NCOA6: variants seen among roughly 807,000 people sequenced by gnomAD.
NCOA6 encodes nuclear receptor coactivator 6, also known as NRC RAP250.
Under a neutral mutation model 171.4 loss-of-function variants are expected in NCOA6, and 49 were observed. The ratio of observed to expected loss-of-function variants is 0.29; its 90% CI spans 0.23 to 0.36. The LOEUF is 0.36. Ranked by LOEUF, NCOA6 falls within the 10% of genes least tolerant of loss-of-function variation. The pLI, the probability that NCOA6 is intolerant of heterozygous loss-of-function variation, is 1.00. For synonymous variants in NCOA6, 910 were observed against 927.5 expected, an observed-to-expected ratio of 0.98 and a Z score of 0.34; for missense variants, 2,248 against 2,554.5, an observed-to-expected ratio of 0.88 and a Z score of 2.59.
chr20:34,734,899 C>T (rs560272909), intron 12 of NCOA6, among the ~76,000 whole-genome samples: 99 of 152,224 alleles, frequency 6.5e-4, no homozygotes, highest in African/African-American at 2.3e-3. Context: ...CTGACCGCCT[C>T]GGCCTCCCAA....
chr20:34,806,887 C>A (rs2146548268), intron 1 of NCOA6, among the ~76,000 whole-genome samples: 1 of 152,306 alleles, frequency 6.6e-6, no homozygotes, highest in Non-Finnish European at 1.5e-5. Context: ...TACTCAAGGT[C>A]TTTTGTGGTG....
chr20:34,741,845 G>A lies in NCOA6; in HGVS notation c.4411C>T (p.Pro1471Ser). 6.2e-7 allele frequency: 1 copy of A among 1,614,192 alleles called. No individual in the cohort carries two copies. Among genetic ancestry groups the A allele is most frequent in the Non-Finnish European group, 8.5e-7 (1 of 1,180,038 alleles). Reference protein sequence around the residue: ...DGQPSDPNKLPSVEENKNLVS... With the variant: ...DGQPSDPNKLSSVEENKNLVS... The stretch of plus-strand genomic sequence containing the variant: ...AAATTTTTGTTCTCTTCGACACTGG[G>A]AAGTTTGTTAGGATCCGAAGGCTGC... The change falls in exon 11 of 15, where the codon CCC becomes TCC. Residue 1471 changes from proline to serine, a missense_variant. Physicochemically the swap from Pro to Ser is moderately conservative, Grantham distance 74. Coordinates refer to ENST00000359003, the MANE Select transcript of NCOA6 (RefSeq NM_014071.5).
At position 34,740,411 on chromosome 20, in the gene NCOA6, G is replaced by A. The variant is rs1431194283; in HGVS notation, c.5845C>T (p.Leu1949=). 1 of 1,614,138 alleles carries A rather than the reference G, an allele frequency of 6.2e-7. No homozygotes were observed. Among genetic ancestry groups the A allele is most frequent in the Non-Finnish European group, 8.5e-7 (1 of 1,180,022 alleles). Residue 1949 remains leucine, a synonymous_variant, in exon 11 of 15, where the codon CTA becomes TTA. Transcript: ENST00000359003. ...GIASESLAGG[L]VEEKVGSHPE... ...TGGGATCCCACCTTCTCCTCCACTA[G>A]GCCACCCGCAAGTGACTCAGATGCT...
rs143707360 is a variant in NCOA6 at position 34,727,304 on chromosome 20, G to A, written c.6103C>T (p.Arg2035Cys). Residue 2035 changes from arginine (R) to cysteine (C), a missense_variant, in exon 14 of 15, where the codon CGT becomes TGT. Coordinates refer to ENST00000359003, the MANE Select transcript of NCOA6 (RefSeq NM_014071.5). ...VASESVENGH[R>C]KRSSRPASAS... ...GAAGCAGGTCGAGAAGATCGTTTAC[G>A]ATGTCCATTTTCCACACTTTCAGAG... 1.6e-5 allele frequency: 26 copies of A among 1,614,188 alleles called. No individual in the cohort carries two copies. The highest frequency in any genetic ancestry group is 3.3e-4 in the Middle Eastern group (2 of 6,058).
intron 14 of NCOA6, among the ~76,000 whole-genome samples, chr20:34,717,675 GTTCT>G (rs747826125): frequency 9.2e-5 from 14 of 152,064 alleles, no homozygotes; most frequent in African/African-American, 2.4e-4. Context: ...TAATAATGGT[GTTCT>G]TTATTTTAAT....
Position 34,746,930 on chromosome 20 carries a change from TAAAAAAAA to T in NCOA6, c.2793-10_2793-3del. 2.7e-5 allele frequency: 31 copies of T among 1,138,054 alleles called. No homozygotes were observed. Among genetic ancestry groups the T allele is most frequent in the Middle Eastern group, 3.3e-4 (1 of 3,002 alleles). 70.5% of individuals were successfully genotyped at this position (1,138,054 alleles called of 1,614,324 possible). A position where few individuals can be genotyped will look rare whatever the true frequency, so the allele number is the denominator to read the frequency against. On this transcript the variant is annotated splice_polypyrimidine_tract_variant and splice_region_variant and intron_variant, in intron 9 of 14. Coordinates refer to ENST00000359003, the MANE Select transcript of NCOA6 (RefSeq NM_014071.5). ...CCAGCTGGGCGAGTATCTGGGGTGCTAAAAAAAAAAAAAAAAAAAAAAGTGACATATTT... is the reference window on the plus strand; with the variant it reads ...CCAGCTGGGCGAGTATCTGGGGTGCTAAAAAAAAAAAAAAGTGACATATTT...
At chr20:34,796,265 C>T (rs1053679807) in intron 1 of NCOA6, among the ~76,000 whole-genome samples, 2 of 151,852 alleles carry the variant, frequency 1.3e-5, no homozygotes, top group Non-Finnish European at 2.9e-5. Flanking sequence ...CTGCCTCGGC[C>T]TCCCAAAGTG....
chr20:34,769,424 T>TTAAAG (rs1299290433), intron 4 of NCOA6, among the ~76,000 whole-genome samples: 1 of 151,566 alleles, frequency 6.6e-6, no homozygotes, highest in African/African-American at 2.4e-5. Context: ...AGTGCAGTGG[T>TTAAAG]GTGATCTTGG....
rs765840440 is a variant in NCOA6 at position 34,769,546 on chromosome 20, T to G, written c.392-960A>C. Among the ~76,000 whole-genome samples, 2 of 152,006 alleles carry G rather than the reference T, an allele frequency of 1.3e-5. 1 individual carries two copies. The highest frequency in any genetic ancestry group is 4.2e-4 in the South Asian group (2 of 4,812). On this transcript the variant is annotated intron_variant, in intron 4 of 14. Coordinates refer to ENST00000359003, the MANE Select transcript of NCOA6 (RefSeq NM_014071.5). ...GCCCAGCTAATTTTTGCATTTTTAG[T>G]AGAGACGGGGTTTCACCACGTTGGC...
At chr20:34,736,036 CTATA>C (rs2075947633) in intron 12 of NCOA6, among the ~76,000 whole-genome samples, 1 of 152,014 alleles carries the variant, frequency 6.6e-6, no homozygotes, top group Non-Finnish European at 1.5e-5. Flanking sequence ...CCTCCATAGT[CTATA>C]AAGGCAAAAC....
chr20:34,779,984 T>C (rs2077466877), intron 3 of NCOA6, among the ~76,000 whole-genome samples: 3 of 152,244 alleles, frequency 2.0e-5, no homozygotes, highest in Non-Finnish European at 2.9e-5. Flanking sequence ...CAGAAGCCTG[T>C]GGCTAACCAG....
intron 1 of NCOA6, among the ~76,000 whole-genome samples, chr20:34,797,801 C>T (rs928118244): frequency 1.3e-5 from 2 of 151,988 alleles, no homozygotes; most frequent in African/African-American, 4.8e-5. Flanking sequence ...GACAGAAGAA[C>T]TGCTTGAACC....
chr20:34,726,282 G>A (rs1373148808), intron 14 of NCOA6, among the ~76,000 whole-genome samples: 1 of 152,140 alleles, frequency 6.6e-6, no homozygotes, highest in Non-Finnish European at 1.5e-5. Flanking sequence ...GCACAAAGGA[G>A]GATACTGGTA....
chr20:34,780,054 A>G (rs2077468347), intron 3 of NCOA6, among the ~76,000 whole-genome samples: 1 of 152,204 alleles, frequency 6.6e-6, no homozygotes, highest in Non-Finnish European at 1.5e-5. Context: ...CCTTTCCATT[A>G]CATGTAGGCC....
intron 1 of NCOA6, among the ~76,000 whole-genome samples, chr20:34,795,028 C>T (rs1340471828): frequency 1.3e-5 from 2 of 152,128 alleles, no homozygotes; most frequent in Admixed American, 1.3e-4. Context: ...CAATTTACAG[C>T]CTTTTTAGAA....
chr20:34,762,992 G>GTCT (rs1462102159), intron 5 of NCOA6, among the ~76,000 whole-genome samples: 4 of 152,154 alleles, frequency 2.6e-5, no homozygotes, highest in Admixed American at 6.5e-5. Flanking sequence ...AAAGCTGATA[G>GTCT]TCTTTCCTTT....
chr20:34,752,409 G>C (rs1426257443), intron 8 of NCOA6, among the ~76,000 whole-genome samples: 1 of 152,128 alleles, frequency 6.6e-6, no homozygotes, highest in Admixed American at 6.5e-5. Flanking sequence ...TTAAGTACCT[G>C]ATACATAGAA....
chr20:34,747,076 T>C (rs1600833435), intron 9 of NCOA6, 148 bp from the exon 10 acceptor site: 2 of 836,860 alleles, frequency 2.4e-6, no homozygotes, highest in East Asian at 6.1e-5. Flanking sequence ...AGATAAAATA[T>C]TAAATATTGG....
chr20:34,762,701 C>T (rs905790647), intron 5 of NCOA6, among the ~76,000 whole-genome samples: 3 of 152,042 alleles, frequency 2.0e-5, no homozygotes, highest in Non-Finnish European at 2.9e-5. Flanking sequence ...TAGATTTACC[C>T]CATGCTTATC....
Sources: gnomAD v4.1 joint callset for allele counts (sites outside exome capture counted in the v4.1 genomes callset) on GRCh38, gnomAD v4.1.1 for gene constraint, MANE v1.5 for transcripts, NCBI Gene and HGNC (gene_info 2026-07-23, HGNC 2026-07-21) for gene names.